The following KANK2 variants were observed in gnomAD, a reference collection of about 807,000 sequenced individuals.
KANK2 encodes KN motif and ankyrin repeat domain-containing protein 2.
A neutral mutation model predicts 74.6 loss-of-function variants in KANK2; 41 were observed. The observed-to-expected ratio is 0.55, with a 90% confidence interval of 0.43 to 0.71. The LOEUF is 0.71. Among genes scored for constraint, KANK2 ranks in the 30% least tolerant of loss-of-function variants. The pLI is 0.00. For missense variants in KANK2, 1,148 were observed against 1,196.4 expected, an observed-to-expected ratio of 0.96 and a Z score of 0.60; for synonymous variants, 537 against 519.0, an observed-to-expected ratio of 1.03 and a Z score of -0.47.
At chr19:11,195,882 C>T (rs1600829676) in intron 1 of KANK2, 62 bp from the exon 2 acceptor site, 1 of 151,412 alleles carries the variant, frequency 6.6e-6, no homozygotes, top group African/African-American at 2.4e-5. Context: ...AGGCTCACCC[C>T]TGAGCAACAG....
intron 10 of KANK2, among the ~76,000 whole-genome samples, chr19:11,172,638 G>C (rs914153180): frequency 1.3e-5 from 2 of 152,158 alleles, no homozygotes; most frequent in African/African-American, 4.8e-5. Context: ...TTGAGTCCCG[G>C]TGCTCCCTAA....
Position 11,170,279 on chromosome 19 carries a change from C to A in KANK2, c.2212-31G>T. 1 of 1,593,106 alleles carries A rather than the reference C, an allele frequency of 6.3e-7. No homozygotes were observed. Among genetic ancestry groups the A allele is most frequent in the South Asian group, 1.1e-5 (1 of 90,720 alleles). On this transcript the variant is annotated intron_variant, in intron 10 of 12. Transcript: ENST00000586659. The surrounding 1 kb of genome is among the most constrained non-coding windows in gnomAD (Gnocchi z 5.2). ...GAGGGCAAGGAACAGGATTATGGTT[C>A]ATGCAGGCCCCAGGGCAGGACACCC... is the stretch of plus-strand genomic sequence containing the variant.
intron 7 of KANK2, 145 bp downstream of exon 7, chr19:11,176,430 CAGA>C (rs2078338094): frequency 2.1e-6 from 2 of 952,016 alleles, no homozygotes; most frequent in Non-Finnish European, 3.0e-6. Context: ...TTCAGATGCC[CAGA>C]AGGAGCAAGT....
rs2078354134 is a variant in KANK2 at position 11,176,814 on chromosome 19, A to G, written c.1524T>C (p.Tyr508=). 6.6e-7 allele frequency: 1 copy of G among 1,509,200 alleles called. No homozygotes were observed. Among genetic ancestry groups the G allele is most frequent in the African/African-American group, 1.4e-5 (1 of 71,608 alleles). 93.5% of individuals were successfully genotyped at this position (1,509,200 alleles called of 1,614,324 possible). A position where few individuals can be genotyped will look rare whatever the true frequency, so the allele number is the denominator to read the frequency against. ...SLQFVGVNGG[Y]ESSSEDSSTA... ...TGCTGGAGTCCTCGGATGACGACTC[A>G]TACCTGGGGAGGAACGAGCGGGGAG... The change falls in exon 7 of 13, where the codon TAT becomes TAC. Residue 508 remains tyrosine (Y), a synonymous_variant. Transcript: ENST00000586659.
chr19:11,165,306 A>G lies in KANK2; in HGVS notation c.*1252T>C, dbSNP rs750226123. On this transcript the variant is annotated 3_prime_UTR_variant, in exon 13 of 13. Coordinates refer to ENST00000586659, the MANE Select transcript of KANK2 (RefSeq NM_001136191.3). ...GGACGGCCAACTTTTAATCGTACACACATGGGGTTTTTGGGAGCCGGCCCT... is the reference window on the plus strand; with the variant it reads ...GGACGGCCAACTTTTAATCGTACACGCATGGGGTTTTTGGGAGCCGGCCCT... The G allele has an allele frequency of 2.6e-5, 4 of 152,158 alleles. No homozygotes were observed. Among genetic ancestry groups the G allele is most frequent in the Non-Finnish European group, 5.9e-5 (4 of 68,032 alleles). 9.4% of individuals were successfully genotyped at this position (152,158 alleles called of 1,614,324 possible). A position where few individuals can be genotyped will look rare whatever the true frequency, so the allele number is the denominator to read the frequency against.
At chr19:11,172,955 A>T (rs768956638) in intron 10 of KANK2, 26 bp downstream of exon 10, 11 of 1,607,624 alleles carry the variant, frequency 6.8e-6, no homozygotes, top group South Asian at 1.1e-5. Flanking sequence ...AGCCACCTGG[A>T]TCTGCAGCAG....
intron 4 of KANK2, among the ~76,000 whole-genome samples, chr19:11,191,416 A>G (rs945965113): frequency 1.3e-5 from 2 of 152,180 alleles, no homozygotes; most frequent in Admixed American, 6.5e-5. Context: ...CATTCTGCAC[A>G]GCCGGCATCC....
At chr19:11,188,226 G>A (rs990350129) in intron 4 of KANK2, among the ~76,000 whole-genome samples, 20 of 149,738 alleles carry the variant, frequency 1.3e-4, no homozygotes, top group South Asian at 4.2e-4. Context: ...TTTTTGAGAC[G>A]GAGTCTCACT....
intron 3 of KANK2, 112 bp downstream of exon 3, chr19:11,194,363 A>G: frequency 1.2e-6 from 1 of 837,920 alleles, no homozygotes; most frequent in South Asian, 1.5e-5. Flanking sequence ...CAGACCTCTA[A>G]TTGTTGGGCT....
rs761811054 is a variant in KANK2, at chr19:11,193,568, C to T, written c.512G>A (p.Ser171Asn). ...AGGCACCGGTGTGGACAGTCCTGAA[C>T]TCCGTGGTGTCGGGGGTGGCAACCC... is the stretch of plus-strand genomic sequence containing the variant. Reference protein sequence around the residue: ...GVGLPPPTPRSSGLSTPVPPS... With the variant: ...GVGLPPPTPRNSGLSTPVPPS... Residue 171 changes from serine (S) to asparagine (N), a missense_variant, in exon 4 of 13, where the codon AGT becomes AAT. Coordinates refer to ENST00000586659, the MANE Select transcript of KANK2 (RefSeq NM_001136191.3). This position sits in a 1 kb window ranked among gnomAD's most constrained non-coding sequence, Gnocchi z 9.6. 1 of 1,594,072 alleles carries T rather than the reference C, an allele frequency of 6.3e-7. No homozygotes were observed. Among genetic ancestry groups the T allele is most frequent in the Non-Finnish European group, 8.5e-7 (1 of 1,172,040 alleles).
Position 11,196,057 on chromosome 19 carries a change from C to CTTT in KANK2, c.-278-240_-278-238dup, listed in dbSNP as rs34366498. On this transcript the variant is annotated intron_variant, in intron 1 of 12. Transcript: ENST00000586659. ...AGTAACAGTAATACTAACATCAACTCTTTTTTTTTTTTTTTTCTGAGACGG... is the reference window on the plus strand; with the variant it reads ...AGTAACAGTAATACTAACATCAACTCTTTTTTTTTTTTTTTTTTTCTGAGACGG... 565 of 124,880 alleles carry CTTT rather than the reference C, an allele frequency of 4.5e-3. 17 individuals are homozygous for CTTT. The highest frequency in any genetic ancestry group is 0.015 in the African/African-American group (479 of 31,790). 7.7% of individuals were successfully genotyped at this position (124,880 alleles called of 1,614,324 possible).
At chr19:11,174,443 G>C in intron 9 of KANK2, 30 bp downstream of exon 9, 1 of 1,556,720 alleles carries the variant, frequency 6.4e-7, no homozygotes, top group Non-Finnish European at 8.7e-7. Flanking sequence ...GGCTGGTTTA[G>C]AGCCGCCTCG....
At chr19:11,182,425 C>T (rs187978243) in intron 4 of KANK2, among the ~76,000 whole-genome samples, 20 of 151,680 alleles carry the variant, frequency 1.3e-4, no homozygotes, top group Admixed American at 1.1e-3. Flanking sequence ...CTATACTTGG[C>T]TGAGATGAAA....
chr19:11,169,030 A>G (rs1207694899), intron 12 of KANK2, among the ~76,000 whole-genome samples: 5 of 151,988 alleles, frequency 3.3e-5, no homozygotes, highest in Admixed American at 2.0e-4. Context: ...AGTGAGACCC[A>G]GTCTCTACAA....
At chr19:11,171,315 C>G (rs900606644) in intron 10 of KANK2, among the ~76,000 whole-genome samples, 1 of 151,958 alleles carries the variant, frequency 6.6e-6, no homozygotes, top group Non-Finnish European at 1.5e-5. Context: ...GGCATGGTGC[C>G]GCACGCTTGC....
intron 5 of KANK2, 21 bp downstream of exon 5, chr19:11,178,532 T>C: frequency 6.2e-7 from 1 of 1,602,888 alleles, no homozygotes; most frequent in Non-Finnish European, 8.5e-7. Context: ...CCGTCCCTCT[T>C]GGCGGCCACC....
intron 12 of KANK2, 93 bp from the exon 13 acceptor site, chr19:11,166,704 A>G (rs776100803): frequency 1.1e-5 from 14 of 1,232,924 alleles, no homozygotes; most frequent in Non-Finnish European, 1.4e-5. Context: ...TATGATGGGT[A>G]AGCAGGAGGG....
At chr19:11,190,423 T>C (rs1039312958) in intron 4 of KANK2, among the ~76,000 whole-genome samples, 1 of 152,140 alleles carries the variant, frequency 6.6e-6, no homozygotes, top group Non-Finnish European at 1.5e-5. Context: ...GTTCTGGGTT[T>C]GGATACTGGC....
At chr19:11,178,475 TGA>T (rs1265349568) in intron 5 of KANK2, 28 bp from the exon 6 acceptor site, 1 of 1,602,152 alleles carries the variant, frequency 6.2e-7, no homozygotes, top group South Asian at 1.1e-5. Context: ...GGAGGTGCTG[TGA>T]GAGTCCTTCA....
Sources: allele counts gnomAD v4.1 joint callset (sites outside exome capture counted in the v4.1 genomes callset), GRCh38; gene constraint gnomAD v4.1.1; non-coding constraint Gnocchi (gnomAD v3.1); transcripts MANE v1.5; gene names NCBI Gene and HGNC (gene_info 2026-07-23, HGNC 2026-07-21).